CEP128: variants seen among roughly 807,000 people sequenced by gnomAD.
CEP128 encodes centrosomal protein 128kDa.
A neutral mutation model predicts 156.7 loss-of-function variants in CEP128; 132 were observed. That is an observed-to-expected ratio of 0.84 (90% confidence interval 0.73 to 0.97). CEP128 has a LOEUF of 0.97. Among genes scored for constraint, CEP128 ranks in the 50% least tolerant of loss-of-function variants. CEP128 has a pLI of 0.00. For missense variants in CEP128, 1,252 were observed against 1,281.9 expected, an observed-to-expected ratio of 0.98 and a Z score of 0.36; for synonymous variants, 469 against 448.9, an observed-to-expected ratio of 1.04 and a Z score of -0.57.
At chr14:80,486,905 C>T (rs547121996), downstream of CEP128, among the ~76,000 whole-genome samples, 15 of 152,204 alleles carry the variant, frequency 9.9e-5, no homozygotes, top group African/African-American at 3.1e-4. Flanking sequence ...CAACCGGTAC[C>T]GGCCACTGCA....
intron 20 of CEP128, among the ~76,000 whole-genome samples, chr14:80,569,506 A>G (rs955775944): frequency 3.3e-5 from 5 of 152,222 alleles, no homozygotes; most frequent in Non-Finnish European, 5.9e-5. Flanking sequence ...ACCTGTGGAT[A>G]ATGGAATGCT....
chr14:80,745,992 T>C (rs191646232), intron 18 of CEP128, among the ~76,000 whole-genome samples: 26 of 152,088 alleles, frequency 1.7e-4, no homozygotes, highest in African/African-American at 6.3e-4. Context: ...ATTAAGATAA[T>C]CATATTTACA....
chr14:80,810,099 G>A (rs1304534613), intron 13 of CEP128, among the ~76,000 whole-genome samples: 6 of 151,842 alleles, frequency 4.0e-5, no homozygotes, highest in Admixed American at 6.6e-5. Context: ...CAAGCTGGGA[G>A]GATCACGAGG....
chr14:80,706,776 T>C (rs757429139), intron 19 of CEP128, among the ~76,000 whole-genome samples: 14 of 152,118 alleles, frequency 9.2e-5, no homozygotes, highest in Non-Finnish European at 2.1e-4. Context: ...ATATAAACAT[T>C]GAGTCTTTTG....
At chr14:80,559,882 T>C (rs896474314) in intron 20 of CEP128, among the ~76,000 whole-genome samples, 5 of 152,230 alleles carry the variant, frequency 3.3e-5, no homozygotes, top group African/African-American at 1.2e-4. Flanking sequence ...AGAATGTTTA[T>C]AGAAGGACTG....
intron 14 of CEP128, among the ~76,000 whole-genome samples, chr14:80,788,709 G>A (rs1306115179): frequency 5.9e-5 from 9 of 152,058 alleles, no homozygotes; most frequent in South Asian, 4.2e-4. Flanking sequence ...AGAACAATAT[G>A]ATCCTCTCTT....
chr14:80,672,354 T>A (rs549211733), intron 19 of CEP128, among the ~76,000 whole-genome samples: 68 of 150,024 alleles, frequency 4.5e-4, no homozygotes, highest in South Asian at 1.3e-3. Context: ...ATGTCTTTTT[T>A]AAAAAAAAAA....
At chr14:80,670,366 ATCTG>A (rs998347671) in intron 19 of CEP128, among the ~76,000 whole-genome samples, 25 of 152,262 alleles carry the variant, frequency 1.6e-4, no homozygotes, top group African/African-American at 2.2e-4. Context: ...AGACACAGTG[ATCTG>A]TCTGTCTGTC....
Position 80,858,334 on chromosome 14 carries a change from G to A in CEP128, c.762+4423C>T, listed in dbSNP as rs1157584430. Among the ~76,000 whole-genome samples, 82 of 136,294 alleles carry A rather than the reference G, an allele frequency of 6.0e-4. 1 individual carries two copies. The highest frequency in any genetic ancestry group is 2.2e-3 in the Admixed American group (28 of 12,904). The allele number at this position is 136,294 out of a possible 152,430, so 89.4% of individuals were successfully genotyped here. A position where few individuals can be genotyped will look rare whatever the true frequency, so the allele number is the denominator to read the frequency against. ...TTAATAAATGGTGCTGGGAAAACTGGCTAGCCATATGTAGGAAGCTGAAAC... is the reference window on the plus strand; with the variant it reads ...TTAATAAATGGTGCTGGGAAAACTGACTAGCCATATGTAGGAAGCTGAAAC... On this transcript the variant is annotated intron_variant, in intron 9 of 24. Coordinates refer to ENST00000555265, the MANE Select transcript of CEP128 (RefSeq NM_152446.5).
intron 20 of CEP128, among the ~76,000 whole-genome samples, chr14:80,561,411 T>C (rs1890667539): frequency 1.3e-5 from 2 of 152,212 alleles, no homozygotes; most frequent in Non-Finnish European, 2.9e-5. Flanking sequence ...TGATCTATTG[T>C]TGCCAGGCAT....
intron 19 of CEP128, 53 bp from the exon 20 acceptor site, chr14:80,580,476 C>T (rs1891544594): frequency 5.2e-6 from 4 of 770,500 alleles, no homozygotes; most frequent in Non-Finnish European, 4.1e-6. Flanking sequence ...AACGAGTTGC[C>T]TCTTATCATC....
intron 9 of CEP128, among the ~76,000 whole-genome samples, chr14:80,847,341 A>G (rs1282263194): frequency 6.6e-6 from 1 of 152,020 alleles, no homozygotes; most frequent in Non-Finnish European, 1.5e-5. Context: ...TTCACCATCC[A>G]TTTTCTTTTT....
rs762503868 is a variant in CEP128 at position 80,669,625 on chromosome 14, C to A, written c.2806+73450G>T. 2.0e-5 allele frequency among the ~76,000 whole-genome samples: 3 copies of A among 152,118 alleles called. No individual in the cohort carries two copies. The South Asian group carries it at 6.2e-4, about 31-fold the overall frequency. On this transcript the variant is annotated intron_variant, in intron 19 of 24. Coordinates refer to ENST00000555265, the MANE Select transcript of CEP128 (RefSeq NM_152446.5). The stretch of plus-strand genomic sequence containing the variant: ...AAAACCACAATAACATACCATCTTA[C>A]AGTAGTCAGTACGGCTATTATTAAA...
At chr14:80,854,879 A>C (rs1408473731) in intron 9 of CEP128, among the ~76,000 whole-genome samples, 1 of 152,200 alleles carries the variant, frequency 6.6e-6, no homozygotes, top group Admixed American at 6.5e-5. Flanking sequence ...AGGTAAAATT[A>C]AAAGAGAGAA....
chr14:80,714,427 A>G (rs1333195801), intron 19 of CEP128, among the ~76,000 whole-genome samples: 1 of 152,126 alleles, frequency 6.6e-6, no homozygotes, highest in East Asian at 1.9e-4. Context: ...CTGTGGCTAA[A>G]AGGCCATTAT....
intron 2 of CEP128, among the ~76,000 whole-genome samples, chr14:80,953,218 C>T (rs981052327): frequency 6.6e-6 from 1 of 152,230 alleles, no homozygotes; most frequent in East Asian, 1.9e-4. Context: ...TAACAGACTA[C>T]TATCCCTTGT....
At chr14:80,607,115 CAT>C (rs1200357592) in intron 19 of CEP128, among the ~76,000 whole-genome samples, 1 of 151,832 alleles carries the variant, frequency 6.6e-6, no homozygotes, top group Non-Finnish European at 1.5e-5. Flanking sequence ...AAATGAGCTA[CAT>C]GTGTTTATCT....
intron 8 of CEP128, among the ~76,000 whole-genome samples, chr14:80,893,332 G>A (rs1461427751): frequency 2.6e-5 from 4 of 151,792 alleles, no homozygotes; most frequent in Non-Finnish European, 5.9e-5. Context: ...GGACAGAGAG[G>A]GTAGAGGGGA....
Position 80,544,147 on chromosome 14 carries a change from A to G in CEP128, c.2881-13261T>C, listed in dbSNP as rs571567392. Among the ~76,000 whole-genome samples the G allele has an allele frequency of 5.8e-4, 88 of 152,294 alleles. No homozygotes were observed. The Middle Eastern group carries it at 0.02, about 35-fold the overall frequency. Reference sequence around the variant, plus strand: ...AAAGCTGACCAGATTCAGCTCAAGAACATTCTTTGGGTTTCTGAATGAAAA... The same window carrying G: ...AAAGCTGACCAGATTCAGCTCAAGAGCATTCTTTGGGTTTCTGAATGAAAA... On this transcript the variant is annotated intron_variant, in intron 21 of 24. Coordinates refer to ENST00000555265, the MANE Select transcript of CEP128 (RefSeq NM_152446.5).
Sources: allele counts gnomAD v4.1 joint callset (sites outside exome capture counted in the v4.1 genomes callset), GRCh38; gene constraint gnomAD v4.1.1; transcripts MANE v1.5; gene names NCBI Gene and HGNC (gene_info 2026-07-23, HGNC 2026-07-21).